The following PRKAR1A variants were observed in gnomAD, a reference collection of about 807,000 sequenced individuals.
The protein encoded by PRKAR1A is protein kinase cAMP-dependent type I regulatory subunit alpha.
PRKAR1A carries 3 observed loss-of-function variants against 52.0 expected under a neutral mutation model. The ratio of observed to expected loss-of-function variants is 0.06; its 90% CI spans 0.03 to 0.15. PRKAR1A has a LOEUF of 0.15. Ranked by LOEUF, PRKAR1A falls within the 10% of genes least tolerant of loss-of-function variation. PRKAR1A has a pLI of 1.00. For missense variants in PRKAR1A, 240 were observed against 477.4 expected (o/e 0.50, Z 4.63); for synonymous variants, 188 against 168.4 (o/e 1.12, Z -0.90).
At chr17:68,482,329 C>T in the PRKAR1A span, among the ~76,000 whole-genome samples, 1 of 152,184 alleles carries the variant, frequency 6.6e-6, no homozygotes, top group Non-Finnish European at 1.5e-5. Flanking sequence ...GATGTTATTA[C>T]TCTTTGACAG....
chr17:68,456,794 C>T, the PRKAR1A span, among the ~76,000 whole-genome samples: 3 of 152,286 alleles, frequency 2.0e-5, no homozygotes, highest in African/African-American at 7.2e-5. Context: ...TGCCCTGCGT[C>T]GGGGATGGGA....
chr17:68,456,831 G>C, the PRKAR1A span, among the ~76,000 whole-genome samples: 2 of 152,200 alleles, frequency 1.3e-5, no homozygotes, highest in East Asian at 3.8e-4. Flanking sequence ...CGCAGGGATA[G>C]GCTGCCTCTT....
chr17:68,535,671 T>A (rs1251069415), downstream of PRKAR1A: 1 of 439,064 alleles, frequency 2.3e-6, no homozygotes, highest in African/African-American at 2.1e-5. Context: ...AAAAAAAAAT[T>A]TTTTTTTTTT....
the PRKAR1A span, among the ~76,000 whole-genome samples, chr17:68,458,172 G>A: frequency 5.3e-5 from 8 of 152,212 alleles, no homozygotes; most frequent in Non-Finnish European, 1.0e-4. Context: ...TTGCCGAGCG[G>A]TTGAGAACCC....
intron 10 of PRKAR1A, 23 bp downstream of exon 10, chr17:68,530,024 T>C: frequency 1.2e-6 from 2 of 1,604,322 alleles, no homozygotes; most frequent in Non-Finnish European, 8.5e-7. Context: ...TCCCTCACAA[T>C]AAATACATGG....
intron 2 of PRKAR1A, among the ~76,000 whole-genome samples, chr17:68,518,923 A>G (rs1052809294): frequency 4.6e-5 from 7 of 152,228 alleles, no homozygotes; most frequent in African/African-American, 1.7e-4. Context: ...TTTCTAGGGC[A>G]GGGCCAAAAT....
chr17:68,433,541 C>T, the PRKAR1A span: 3 of 1,613,848 alleles, frequency 1.9e-6, no homozygotes, highest in South Asian at 1.1e-5. Flanking sequence ...AATTGTGAAT[C>T]CATACTGAAC....
At chr17:68,497,973 A>C in the PRKAR1A span, among the ~76,000 whole-genome samples, 269 of 152,290 alleles carry the variant, frequency 1.8e-3, 3 homozygotes, top group Non-Finnish European at 2.3e-3. Context: ...GTGCCAAACT[A>C]CTTAAGATGG....
At chr17:68,462,386 G>A in the PRKAR1A span, among the ~76,000 whole-genome samples, 2 of 152,184 alleles carry the variant, frequency 1.3e-5, no homozygotes, top group Non-Finnish European at 2.9e-5. Context: ...TTTGTTCACC[G>A]AGGCATCTTC....
chr17:68,546,168 CAAAAAAAAAAAAAA>C, intron 11 of PRKAR1A, among the ~76,000 whole-genome samples: 2 of 98,904 alleles, frequency 2.0e-5, no homozygotes, highest in South Asian at 3.5e-4. Flanking sequence ...GACTCCATCT[CAAAAAAAAAAAAAA>C]AAAAAAAAAA....
At chr17:68,487,301 G>A in the PRKAR1A span, among the ~76,000 whole-genome samples, 1 of 152,172 alleles carries the variant, frequency 6.6e-6, no homozygotes, top group South Asian at 2.1e-4. Context: ...TAATTCAACT[G>A]CTGGGAAATA....
At chr17:68,417,425 T>C in the PRKAR1A span, among the ~76,000 whole-genome samples, 2 of 152,178 alleles carry the variant, frequency 1.3e-5, no homozygotes, top group African/African-American at 4.8e-5. Context: ...TTGGTTGAGC[T>C]CCTGGAGGTA....
the PRKAR1A span, among the ~76,000 whole-genome samples, chr17:68,437,937 G>A: frequency 1.4e-5 from 1 of 69,548 alleles, no homozygotes; most frequent in African/African-American, 5.1e-5. Flanking sequence ...ACGCAAGAGA[G>A]ACATCTCTCT....
At chr17:68,437,067 AG>A in the PRKAR1A span, among the ~76,000 whole-genome samples, 7 of 145,846 alleles carry the variant, frequency 4.8e-5, no homozygotes, top group African/African-American at 1.8e-4. Context: ...ATTTTACCCC[AG>A]GACTCTGAAA....
chr17:68,542,097 G>A (rs775589093), intron 11 of PRKAR1A: 1 of 1,613,940 alleles, frequency 6.2e-7, no homozygotes, highest in Admixed American at 1.7e-5. Flanking sequence ...AGCAGGTGTG[G>A]GTTGCCACAG....
chr17:68,528,767 T>C, intron 8 of PRKAR1A, 103 bp from the exon 9 acceptor site: 1 of 1,456,888 alleles, frequency 6.9e-7, no homozygotes, highest in Non-Finnish European at 9.6e-7. Flanking sequence ...TACTAGAATG[T>C]TGAATGGGCA....
At chr17:68,515,246 C>T in intron 1 of PRKAR1A, 148 bp from the exon 2 acceptor site, 2 of 758,642 alleles carry the variant, frequency 2.6e-6, no homozygotes, top group Non-Finnish European at 4.4e-6. Context: ...TATTTTATTC[C>T]CTAGTCCCCA....
At chr17:68,450,040 A>G in the PRKAR1A span, among the ~76,000 whole-genome samples, 2 of 152,114 alleles carry the variant, frequency 1.3e-5, no homozygotes, top group Admixed American at 1.3e-4. Context: ...CAAAATGAAA[A>G]CCCAGCAATT....
the PRKAR1A span, among the ~76,000 whole-genome samples, chr17:68,435,206 C>CA: frequency 0.54 from 74,438 of 139,030 alleles, 20,319 homozygotes; most frequent in Admixed American, 0.65. Flanking sequence ...GACTCCACCT[C>CA]AAAAAAAAAA....
Sources: allele counts gnomAD v4.1 joint callset (sites outside exome capture counted in the v4.1 genomes callset), GRCh38; gene constraint gnomAD v4.1.1; transcripts MANE v1.5; gene names NCBI Gene and HGNC (gene_info 2026-07-23, HGNC 2026-07-21).